The following XNDC1N variants were observed in gnomAD, a reference collection of about 807,000 sequenced individuals.
XNDC1N encodes the protein XRCC1 N-terminal domain containing 1, N-terminal like.
the XNDC1N span, among the ~76,000 whole-genome samples, chr11:71,911,709 A>G: frequency 6.6e-6 from 1 of 152,208 alleles, no homozygotes; most frequent in South Asian, 2.1e-4. Flanking sequence ...CTGGGGGAAA[A>G]GGCACAAAAT....
chr11:71,920,782 T>A, the XNDC1N span, among the ~76,000 whole-genome samples: 3 of 152,192 alleles, frequency 2.0e-5, no homozygotes, highest in African/African-American at 7.2e-5. Context: ...CAGATATTTT[T>A]TGGTTGAGCG....
chr11:71,913,753 T>C, the XNDC1N span, among the ~76,000 whole-genome samples: 1 of 151,660 alleles, frequency 6.6e-6, no homozygotes, highest in Admixed American at 6.6e-5. Context: ...ACGCCTGGCT[T>C]CAAAGGACAA....
chr11:71,897,567 T>C, the XNDC1N span, among the ~76,000 whole-genome samples: 2 of 152,144 alleles, frequency 1.3e-5, no homozygotes, highest in Non-Finnish European at 2.9e-5. Context: ...CAAACAGGCA[T>C]TGGTGAGACT....
At chr11:71,917,565 G>T in the XNDC1N span, 1 of 703,630 alleles carries the variant, frequency 1.4e-6, no homozygotes, top group South Asian at 1.5e-5. Flanking sequence ...CTTTAGTACT[G>T]CATCTCTGTT....
At chr11:71,896,123 C>CA in the XNDC1N span, among the ~76,000 whole-genome samples, 1 of 152,110 alleles carries the variant, frequency 6.6e-6, no homozygotes, top group Admixed American at 6.5e-5. Flanking sequence ...ACGGTAAACA[C>CA]AAAAAATGAG....
the XNDC1N span, among the ~76,000 whole-genome samples, chr11:71,869,784 T>A: frequency 0.025 from 3,803 of 152,316 alleles, 55 homozygotes; most frequent in East Asian, 0.076. Context: ...GAGGAACTAC[T>A]GCAGTCCCTT....
At chr11:71,899,579 G>A in the XNDC1N span, among the ~76,000 whole-genome samples, 24 of 152,344 alleles carry the variant, frequency 1.6e-4, 1 homozygote, top group Admixed American at 1.2e-3. Context: ...CTAGGGCTGC[G>A]CAGGACGTGC....
At chr11:71,876,654 G>A in the XNDC1N span, among the ~76,000 whole-genome samples, 2 of 152,244 alleles carry the variant, frequency 1.3e-5, no homozygotes, top group African/African-American at 4.8e-5. Context: ...GCAAACAAAT[G>A]TTCATAGAAA....
chr11:71,896,489 G>C, the XNDC1N span, among the ~76,000 whole-genome samples: 1 of 152,224 alleles, frequency 6.6e-6, no homozygotes, highest in Non-Finnish European at 1.5e-5. Context: ...CAGATGCTTT[G>C]GTAAGAAGCT....
chr11:71,870,427 T>C, the XNDC1N span, among the ~76,000 whole-genome samples: 2 of 152,192 alleles, frequency 1.3e-5, no homozygotes, highest in Non-Finnish European at 2.9e-5. Context: ...TCTTGTCCCT[T>C]GAGGTGAGAA....
At chr11:71,898,433 C>T in the XNDC1N span, among the ~76,000 whole-genome samples, 2 of 152,030 alleles carry the variant, frequency 1.3e-5, no homozygotes, top group Non-Finnish European at 2.9e-5. Flanking sequence ...ATGGTGAAAG[C>T]TCGTCTCTAT....
At chr11:71,911,884 G>A in the XNDC1N span, among the ~76,000 whole-genome samples, 1 of 152,174 alleles carries the variant, frequency 6.6e-6, no homozygotes, top group African/African-American at 2.4e-5. Context: ...CTGGGCATCA[G>A]TGCTCCCTCA....
At chr11:71,922,331 C>G in the XNDC1N span, among the ~76,000 whole-genome samples, 1 of 152,126 alleles carries the variant, frequency 6.6e-6, no homozygotes, top group Non-Finnish European at 1.5e-5. Flanking sequence ...GATACAAGGT[C>G]TTGCTCTGTC....
At chr11:71,901,309 C>A in the XNDC1N span, among the ~76,000 whole-genome samples, 7 of 152,080 alleles carry the variant, frequency 4.6e-5, no homozygotes, top group Non-Finnish European at 5.9e-5. Flanking sequence ...CTGCTTAAAG[C>A]TTTTGGAAGC....
chr11:71,868,145 T>C, the XNDC1N span, among the ~76,000 whole-genome samples: 1 of 152,204 alleles, frequency 6.6e-6, no homozygotes, highest in South Asian at 2.1e-4. Context: ...GGCAGATCTT[T>C]CTTTGAGCCT....
At chr11:71,899,325 C>T in the XNDC1N span, among the ~76,000 whole-genome samples, 1 of 152,238 alleles carries the variant, frequency 6.6e-6, no homozygotes, top group South Asian at 2.1e-4. Flanking sequence ...TGGACCTGTT[C>T]TCCGTGGTCA....
At chr11:71,876,057 G>A in the XNDC1N span, among the ~76,000 whole-genome samples, 2 of 151,866 alleles carry the variant, frequency 1.3e-5, no homozygotes, top group South Asian at 2.1e-4. Context: ...AAGAAAACCG[G>A]CATCAACAAG....
At chr11:71,868,717 T>G in the XNDC1N span, among the ~76,000 whole-genome samples, 1 of 152,172 alleles carries the variant, frequency 6.6e-6, no homozygotes, top group Non-Finnish European at 1.5e-5. Context: ...TAATACTTTT[T>G]CTTTCATGTC....
At chr11:71,879,303 C>T in the XNDC1N span, among the ~76,000 whole-genome samples, 3 of 152,128 alleles carry the variant, frequency 2.0e-5, no homozygotes, top group African/African-American at 7.2e-5. Flanking sequence ...AGTTAAGATT[C>T]CACCTTAATT....
Sources: allele counts gnomAD v4.1 joint callset (sites outside exome capture counted in the v4.1 genomes callset), GRCh38; gene constraint gnomAD v4.1.1; transcripts MANE v1.5; gene names NCBI Gene and HGNC (gene_info 2026-07-23, HGNC 2026-07-21).